BCAR3: variants seen among roughly 807,000 people sequenced by gnomAD.
BCAR3 encodes BCAR3 adaptor protein, NSP family member.
Under a neutral mutation model 80.1 loss-of-function variants are expected in BCAR3, and 37 were observed. The observed-to-expected ratio is 0.46, with a 90% CI of 0.36 to 0.61. The LOEUF is 0.61. BCAR3 is among the 20% of genes least tolerant of loss of function. The pLI is 0.00. For missense variants in BCAR3, 978 were observed against 1,068.2 expected (o/e 0.92, Z 1.18); for synonymous variants, 389 against 418.9 (o/e 0.93, Z 0.87).
chr1:93,820,920 A>C (rs1057292348), intron 2 of BCAR3, among the ~76,000 whole-genome samples: 2 of 126,770 alleles, frequency 1.6e-5, no homozygotes, highest in African/African-American at 6.6e-5. Flanking sequence ...ATTACATCTT[A>C]TCTCTCCAGA....
chr1:93,718,983 T>C (rs1650290012), intron 2 of BCAR3, among the ~76,000 whole-genome samples: 4 of 152,058 alleles, frequency 2.6e-5, no homozygotes, highest in East Asian at 1.9e-4. Flanking sequence ...ATTACAAGTG[T>C]GAGCCATGAC....
rs112457260 is a variant in BCAR3, at chr1:93,593,728, A to AAACAACAACAACAAC, written c.358-1350_358-1336dup. Among the ~76,000 whole-genome samples, 1,266 of 151,278 alleles carry AAACAACAACAACAAC rather than the reference A, an allele frequency of 8.4e-3. 22 individuals carry two copies. The highest frequency in any genetic ancestry group is 0.028 in the African/African-American group (1,160 of 41,076). On this transcript the variant is annotated intron_variant, in intron 3 of 11. Transcript: ENST00000260502. ...AAATAGCTCCAAATCCTTTTCCACCAAACAACAACAACAACAACAACAACA... is the reference window on the plus strand; with the variant it reads ...AAATAGCTCCAAATCCTTTTCCACCAAACAACAACAACAACAACAACAACAACAACAACAACAACA...
chr1:93,841,713 A>G (rs1312153784), intron 2 of BCAR3, among the ~76,000 whole-genome samples: 3 of 152,200 alleles, frequency 2.0e-5, no homozygotes, highest in African/African-American at 7.2e-5. Flanking sequence ...GGACCAGATC[A>G]TGTTCCCTTT....
rs928174348 is a variant in BCAR3 at position 93,582,650 on chromosome 1, A to G, written c.1337T>C (p.Leu446Pro). The change falls in exon 7 of 12, where the codon CTA (leucine) becomes CCA (proline). Residue 446 changes from leucine (L) to proline (P), a missense_variant. Leu to Pro is a moderately conservative substitution (Grantham distance 98, BLOSUM62 -3). Coordinates refer to ENST00000260502, the MANE Select transcript of BCAR3 (RefSeq NM_003567.4). ...FATGCGRGAKLPSCAQGSHTE... is the reference protein window; with the variant it reads ...FATGCGRGAKPPSCAQGSHTE... ...GTGGCTTCCCTGGGCACATGAGGGT[A>G]GCTTTGCTCCCCTGCCGCAGCCTGT... The G allele has an allele frequency of 1.9e-6, 3 of 1,613,918 alleles. No individual in the cohort carries two copies. The highest frequency in any genetic ancestry group is 1.7e-5 in the Admixed American group (1 of 59,990).
intron 2 of BCAR3, among the ~76,000 whole-genome samples, chr1:93,709,641 C>G (rs1282992670): frequency 3.3e-5 from 5 of 152,100 alleles, no homozygotes; most frequent in African/African-American, 7.2e-5. Flanking sequence ...GTCCTTGGAA[C>G]AGCAAGAAGG....
intron 2 of BCAR3, among the ~76,000 whole-genome samples, chr1:93,744,751 T>C (rs961470465): frequency 6.6e-5 from 10 of 152,208 alleles, no homozygotes; most frequent in Admixed American, 1.3e-4. Context: ...CTCACTGACA[T>C]GATTTATTGC....
chr1:93,814,743 G>C (rs1275976647), intron 2 of BCAR3, among the ~76,000 whole-genome samples: 1 of 152,224 alleles, frequency 6.6e-6, no homozygotes, highest in African/African-American at 2.4e-5. Flanking sequence ...ATGCCCCTGT[G>C]AGACTGAACA....
At chr1:93,815,971 G>A (rs973778131) in intron 2 of BCAR3, among the ~76,000 whole-genome samples, 6 of 152,156 alleles carry the variant, frequency 3.9e-5, no homozygotes, top group Non-Finnish European at 7.4e-5. Context: ...ACATACAAAG[G>A]ATGCTGGGGA....
rs12410147 is a variant in BCAR3, at chr1:93,823,564, G to A, written c.-63+22003C>T. ...GTGTAAGTCAAGATGACATTGACAG[G>A]CAAAATACTGACTGTACTTCTGCTC... On this transcript the variant is annotated intron_variant, in intron 2 of 13. Coordinates refer to the BCAR3 transcript ENST00000370244. Among the ~76,000 whole-genome samples the A allele has an allele frequency of 1.5e-5, 2 of 134,182 alleles. 1 individual carries two copies. The highest frequency in any genetic ancestry group is 5.8e-4 in the East Asian group (2 of 3,424). The allele number at this position is 134,182 out of a possible 152,430, so 88.0% of individuals were successfully genotyped here.
intron 2 of BCAR3, among the ~76,000 whole-genome samples, chr1:93,840,179 A>C (rs1654907512): frequency 6.6e-6 from 1 of 152,186 alleles, no homozygotes; most frequent in Admixed American, 6.5e-5. Flanking sequence ...CCGCTAGTCT[A>C]ACAAGTCTGC....
chr1:93,822,484 G>A (rs1477070411), intron 2 of BCAR3, among the ~76,000 whole-genome samples: 2 of 151,888 alleles, frequency 1.3e-5, no homozygotes, highest in Non-Finnish European at 2.9e-5. Flanking sequence ...GGATTACAGG[G>A]GTCTGCCACC....
chr1:93,648,500 A>G (rs560811896), intron 2 of BCAR3, among the ~76,000 whole-genome samples: 2 of 152,358 alleles, frequency 1.3e-5, no homozygotes, highest in African/African-American at 4.8e-5. Flanking sequence ...TGACATTAGG[A>G]TAATTAAGAA....
At chr1:93,777,740 A>G (rs1384446128) in intron 2 of BCAR3, among the ~76,000 whole-genome samples, 2 of 152,092 alleles carry the variant, frequency 1.3e-5, no homozygotes, top group African/African-American at 4.8e-5. Context: ...TTTCTTCTAA[A>G]TTATTGGCTG....
chr1:93,635,090 T>G (rs764645792), intron 3 of BCAR3, among the ~76,000 whole-genome samples: 1 of 151,928 alleles, frequency 6.6e-6, no homozygotes, highest in Non-Finnish European at 1.5e-5. Flanking sequence ...CTGGGTGTGG[T>G]AGTGAGTGCC....
chr1:93,826,711 G>T (rs1328996669), intron 2 of BCAR3, among the ~76,000 whole-genome samples: 1 of 152,196 alleles, frequency 6.6e-6, no homozygotes, highest in Non-Finnish European at 1.5e-5. Context: ...GGGCAGAACA[G>T]TCAGGGGAGA....
intron 7 of BCAR3, among the ~76,000 whole-genome samples, chr1:93,578,894 G>A (rs1471954726): frequency 1.3e-5 from 2 of 152,216 alleles, no homozygotes; most frequent in Non-Finnish European, 2.9e-5. Flanking sequence ...ATCTCATTTA[G>A]TCCTCGCTGA....
chr1:93,644,029 C>T (rs932291356), intron 2 of BCAR3, among the ~76,000 whole-genome samples: 1 of 152,086 alleles, frequency 6.6e-6, no homozygotes, highest in Non-Finnish European at 1.5e-5. Flanking sequence ...CCCTATATAT[C>T]GTGACTTACT....
chr1:93,708,409 T>G (rs1232020431), intron 2 of BCAR3, among the ~76,000 whole-genome samples: 1 of 152,206 alleles, frequency 6.6e-6, no homozygotes, highest in Non-Finnish European at 1.5e-5. Context: ...TTTTTGGTTT[T>G]GCCTGTTTTT....
At chr1:93,779,732 C>T (rs1467285797) in intron 2 of BCAR3, among the ~76,000 whole-genome samples, 2 of 152,166 alleles carry the variant, frequency 1.3e-5, no homozygotes, top group African/African-American at 2.4e-5. Flanking sequence ...TAACAATGCA[C>T]GTACTCCTGG....
Sources: allele counts gnomAD v4.1 joint callset (sites outside exome capture counted in the v4.1 genomes callset), GRCh38; gene constraint gnomAD v4.1.1; transcripts MANE v1.5; gene names NCBI Gene and HGNC (gene_info 2026-07-23, HGNC 2026-07-21).